The following EDN1 variants were observed in gnomAD, a reference collection of about 807,000 sequenced individuals.
EDN1 encodes the protein endothelin-1.
In EDN1, 11 loss-of-function variants were observed where a neutral mutation model predicts 21.7. That is an observed-to-expected ratio of 0.51 (90% CI 0.32 to 0.84). The LOEUF is 0.84. EDN1 is among the 40% of genes least tolerant of loss of function. EDN1 has a pLI of 0.03. For synonymous variants in EDN1, 85 were observed against 90.6 expected (o/e 0.94, Z 0.35); for missense variants, 244 against 262.3 (o/e 0.93, Z 0.48).
the EDN1 span, among the ~76,000 whole-genome samples, chr6:12,262,467 C>T: frequency 1.3e-5 from 2 of 151,914 alleles, no homozygotes; most frequent in Non-Finnish European, 1.5e-5. Flanking sequence ...TGCTGAAGCA[C>T]AAATCTGCTG....
chr6:12,283,513 C>T, the EDN1 span, among the ~76,000 whole-genome samples: 56 of 152,172 alleles, frequency 3.7e-4, no homozygotes, highest in Admixed American at 5.9e-4. Flanking sequence ...AAATAAAAAT[C>T]TGAACCTTTT....
At chr6:12,247,536 CTTT>C in the EDN1 span, among the ~76,000 whole-genome samples, 6 of 97,750 alleles carry the variant, frequency 6.1e-5, no homozygotes, top group East Asian at 2.9e-4. Context: ...TTCTTTCTTT[CTTT>C]TTTTTTTTTT....
the EDN1 span, among the ~76,000 whole-genome samples, chr6:12,232,727 AAATGTTGCAAACTATG>A: frequency 6.6e-6 from 1 of 152,322 alleles, no homozygotes. Flanking sequence ...GACTAAAGGA[AAATGTTGCAAACTATG>A]AATTAGTGGT....
chr6:12,276,808 C>A, the EDN1 span, among the ~76,000 whole-genome samples: 1 of 152,094 alleles, frequency 6.6e-6, no homozygotes, highest in Non-Finnish European at 1.5e-5. Flanking sequence ...GGAGGCAGGG[C>A]CATTTTGAAG....
the EDN1 span, among the ~76,000 whole-genome samples, chr6:12,260,753 GT>G: frequency 6.6e-6 from 1 of 151,596 alleles, no homozygotes; most frequent in African/African-American, 2.4e-5. Context: ...TTATCATATT[GT>G]TTTTTTCAAA....
the EDN1 span, among the ~76,000 whole-genome samples, chr6:12,284,165 C>T: frequency 1.4e-4 from 21 of 152,160 alleles, no homozygotes; most frequent in Non-Finnish European, 8.8e-5. Flanking sequence ...TCGATAAACA[C>T]GGATGCACAT....
chr6:12,250,747 C>A, the EDN1 span, among the ~76,000 whole-genome samples: 1 of 152,170 alleles, frequency 6.6e-6, no homozygotes, highest in South Asian at 2.1e-4. Flanking sequence ...AAAAAAATAG[C>A]ATTCCTTTTA....
At chr6:12,257,607 A>G in the EDN1 span, among the ~76,000 whole-genome samples, 4 of 152,226 alleles carry the variant, frequency 2.6e-5, no homozygotes, top group East Asian at 1.9e-4. Context: ...TGATTTAGGA[A>G]TTGTAAATAT....
chr6:12,265,883 G>T, the EDN1 span, among the ~76,000 whole-genome samples: 5 of 152,198 alleles, frequency 3.3e-5, no homozygotes, highest in Admixed American at 1.3e-4. Flanking sequence ...AAGTATACAT[G>T]AAAAAGTCTA....
At chr6:12,293,447 C>G (rs1423502765) in intron 2 of EDN1, among the ~76,000 whole-genome samples, 3 of 152,190 alleles carry the variant, frequency 2.0e-5, no homozygotes, top group African/African-American at 7.2e-5. Context: ...CCTCCTCCCC[C>G]AACCACTGGG....
At chr6:12,230,643 A>G in the EDN1 span, among the ~76,000 whole-genome samples, 1 of 152,166 alleles carries the variant, frequency 6.6e-6, no homozygotes, top group South Asian at 2.1e-4. Context: ...GGCTGAAACG[A>G]GAAGGCCTAG....
chr6:12,243,362 G>T, the EDN1 span, among the ~76,000 whole-genome samples: 2 of 151,686 alleles, frequency 1.3e-5, no homozygotes, highest in African/African-American at 4.8e-5. Context: ...ATGTCTCAGG[G>T]GCGGCAGAGG....
the EDN1 span, among the ~76,000 whole-genome samples, chr6:12,245,292 A>T: frequency 6.6e-6 from 1 of 152,182 alleles, no homozygotes; most frequent in Non-Finnish European, 1.5e-5. Context: ...AAATGACTAG[A>T]TTCACCCACC....
intron 1 of EDN1, among the ~76,000 whole-genome samples, chr6:12,291,897 G>T (rs946673709): frequency 2.0e-5 from 3 of 152,252 alleles, no homozygotes; most frequent in Non-Finnish European, 2.9e-5. Context: ...TCCTGAATGG[G>T]GAAGTGGCCC....
chr6:12,281,643 T>G, the EDN1 span, among the ~76,000 whole-genome samples: 1 of 152,236 alleles, frequency 6.6e-6, no homozygotes, highest in Admixed American at 6.5e-5. Context: ...TATTAATAGT[T>G]TCACTTTCCT....
At chr6:12,261,367 G>A in the EDN1 span, among the ~76,000 whole-genome samples, 5 of 152,208 alleles carry the variant, frequency 3.3e-5, no homozygotes, top group Admixed American at 2.0e-4. Flanking sequence ...GGTACGCTCC[G>A]AAATCTCAAG....
chr6:12,245,453 G>T, the EDN1 span, among the ~76,000 whole-genome samples: 1 of 152,210 alleles, frequency 6.6e-6, no homozygotes. Flanking sequence ...TGAGCCCAGT[G>T]ACTTTGGAAA....
In EDN1 at chr6:12,294,920, C is replaced by CTTTTTTTTT. The variant is rs61701314; in HGVS notation, c.533+528_533+536dup. ...ACATGCTGTTTTTCAGGTTTATGGT[C>CTTTTTTTTT]TTTTTTTTTTTTTTTTTTTTAAATA... On this transcript the variant is annotated intron_variant, in intron 4 of 4. Transcript: ENST00000379375. Among the ~76,000 whole-genome samples, 21 of 107,622 alleles carry CTTTTTTTTT rather than the reference C, an allele frequency of 2.0e-4. 3 individuals are homozygous for CTTTTTTTTT. The highest frequency in any genetic ancestry group is 2.7e-4 in the Non-Finnish European group (15 of 56,290). The allele number at this position is 107,622 out of a possible 152,430, so 70.6% of individuals were successfully genotyped here. A position where few individuals can be genotyped will look rare whatever the true frequency, so the allele number is the denominator to read the frequency against.
At chr6:12,258,914 G>C in the EDN1 span, among the ~76,000 whole-genome samples, 2 of 151,816 alleles carry the variant, frequency 1.3e-5, no homozygotes, top group Non-Finnish European at 2.9e-5. Context: ...TGACTAACAG[G>C]GCCATGGAAT....
Sources: allele counts gnomAD v4.1 joint callset (sites outside exome capture counted in the v4.1 genomes callset), GRCh38; gene constraint gnomAD v4.1.1; transcripts MANE v1.5; gene names NCBI Gene and HGNC (gene_info 2026-07-23, HGNC 2026-07-21).